RBFOX1: variants seen among roughly 807,000 people sequenced by gnomAD.
The protein encoded by RBFOX1 is RNA binding fox-1 homolog 1.
Under a neutral mutation model 57.7 loss-of-function variants are expected in RBFOX1, and 8 were observed. That is an observed-to-expected ratio of 0.14 (90% CI 0.08 to 0.25). The LOEUF is 0.25. Ranked by LOEUF, RBFOX1 falls within the 10% of genes least tolerant of loss-of-function variation. The pLI, the probability that RBFOX1 is intolerant of heterozygous loss-of-function variation, is 1.00. For missense variants in RBFOX1, 611 were observed against 548.5 expected (o/e 1.11, Z -1.14); for synonymous variants, 326 against 222.4 (o/e 1.47, Z -4.15).
At chr16:5,462,038 G>A (rs908934942) in intron 1 of RBFOX1, among the ~76,000 whole-genome samples, 2 of 152,114 alleles carry the variant, frequency 1.3e-5, no homozygotes, top group Non-Finnish European at 2.9e-5. Context: ...GTGTAGGAGG[G>A]TGCCAGCTCC....
intron 3 of RBFOX1, among the ~76,000 whole-genome samples, chr16:5,802,210 CA>C (rs1327686105): frequency 6.6e-6 from 1 of 152,166 alleles, no homozygotes; most frequent in Admixed American, 6.5e-5. Flanking sequence ...AGCTCCCCAT[CA>C]AAAGGAAGCC....
intron 2 of RBFOX1, among the ~76,000 whole-genome samples, chr16:5,597,383 A>G (rs2047217648): frequency 6.9e-6 from 1 of 144,324 alleles, no homozygotes; most frequent in African/African-American, 2.6e-5. Context: ...ACCCCAGGCC[A>G]AAGCTTGCTG....
chr16:5,828,052 C>A (rs12051250), intron 3 of RBFOX1, among the ~76,000 whole-genome samples: 1 of 150,876 alleles, frequency 6.6e-6, no homozygotes, highest in Non-Finnish European at 1.5e-5. Flanking sequence ...CATCCATCTA[C>A]CCACCCATCC....
rs998743878 is a variant in RBFOX1, at chr16:6,560,341, G to A, written c.-63-94262G>A. 6.3e-4 allele frequency among the ~76,000 whole-genome samples: 15 copies of A among 23,832 alleles called. No homozygotes were observed. In the South Asian group the frequency reaches 0.018, roughly 29 times the overall value. 15.6% of individuals were successfully genotyped at this position (23,832 alleles called of 152,430 possible). A position where few individuals can be genotyped will look rare whatever the true frequency, so the allele number is the denominator to read the frequency against. On this transcript the variant is annotated intron_variant, in intron 2 of 15. Coordinates refer to ENST00000550418, the MANE Select transcript of RBFOX1 (RefSeq NM_018723.4). ...AAAAGGATGAGGAGGGCAGGAGAGT[G>A]GGGGTGGAAGAATCCATTGCAATTT...
intron 1 of RBFOX1, among the ~76,000 whole-genome samples, chr16:6,191,843 C>G (rs946793064): frequency 2.0e-5 from 3 of 152,116 alleles, no homozygotes; most frequent in Admixed American, 1.3e-4. Flanking sequence ...GAATTTTGCA[C>G]TAGATTTCCT....
At chr16:7,436,243 A>T (rs139900160) in intron 4 of RBFOX1, among the ~76,000 whole-genome samples, 1 of 152,166 alleles carries the variant, frequency 6.6e-6, no homozygotes, top group Non-Finnish European at 1.5e-5. Flanking sequence ...CTATTTGACA[A>T]TGAATCGTGA....
intron 1 of RBFOX1, among the ~76,000 whole-genome samples, chr16:6,195,376 G>T (rs983292763): frequency 6.6e-6 from 1 of 152,010 alleles, no homozygotes; most frequent in Non-Finnish European, 1.5e-5. Flanking sequence ...GTATCTTTCC[G>T]TCTTCTGGAC....
intron 3 of RBFOX1, among the ~76,000 whole-genome samples, chr16:5,619,076 G>A (rs781032397): frequency 1.4e-4 from 22 of 152,198 alleles, no homozygotes; most frequent in Non-Finnish European, 2.2e-4. Flanking sequence ...CACAGTCACC[G>A]TAGTTTGTGC....
intron 5 of RBFOX1, among the ~76,000 whole-genome samples, chr16:7,522,448 T>C (rs1481726123): frequency 2.0e-5 from 3 of 152,324 alleles, no homozygotes; most frequent in Non-Finnish European, 4.4e-5. Context: ...AGTGACAGTT[T>C]GGATGTCTTT....
chr16:5,845,353 T>A (rs993296414), intron 3 of RBFOX1, among the ~76,000 whole-genome samples: 1 of 152,190 alleles, frequency 6.6e-6, no homozygotes, highest in Non-Finnish European at 1.5e-5. Context: ...CCAGCCTGTC[T>A]TGAGTTTCAG....
rs74565935 is a variant in RBFOX1, at chr16:6,608,087, A to G, written c.-63-46516A>G. Among the ~76,000 whole-genome samples the G allele has an allele frequency of 5.8e-3, 883 of 152,284 alleles. 8 individuals carry two copies. Among genetic ancestry groups the G allele is most frequent in the Non-Finnish European group, 8.4e-3 (571 of 68,024 alleles). On this transcript the variant is annotated intron_variant, in intron 2 of 15. Transcript: ENST00000550418. ...AATTTTGAGAGAAATTAATGAGACA[A>G]TGTCTCATAGCACCTGAAACAACGG...
At chr16:7,328,139 A>G (rs1417675564) in intron 4 of RBFOX1, among the ~76,000 whole-genome samples, 1 of 152,084 alleles carries the variant, frequency 6.6e-6, no homozygotes, top group African/African-American at 2.4e-5. Flanking sequence ...AGAGTGGCGG[A>G]GACTCAGGTG....
chr16:5,421,448 G>A (rs1045688804), intron 1 of RBFOX1, among the ~76,000 whole-genome samples: 2 of 152,166 alleles, frequency 1.3e-5, no homozygotes, highest in South Asian at 2.1e-4. Flanking sequence ...GGGTGTCCAC[G>A]TGCAAGTGTG....
Position 7,574,219 on chromosome 16 carries a change from G to T in RBFOX1, c.271-5558G>T, listed in dbSNP as rs114638206. On this transcript the variant is annotated intron_variant, in intron 5 of 15. Coordinates refer to ENST00000550418, the MANE Select transcript of RBFOX1 (RefSeq NM_018723.4). ...CGTCATTGCATCCAGGGCCATGATCGAAGGCCACTGGGGAGAGTGGGCTGG... is the reference window on the plus strand; with the variant it reads ...CGTCATTGCATCCAGGGCCATGATCTAAGGCCACTGGGGAGAGTGGGCTGG... Among the ~76,000 whole-genome samples the T allele has an allele frequency of 5.7e-3, 869 of 152,276 alleles. 7 individuals are homozygous for T. Among genetic ancestry groups the T allele is most frequent in the African/African-American group, 0.02 (834 of 41,546 alleles).
intron 1 of RBFOX1, among the ~76,000 whole-genome samples, chr16:6,147,080 C>T (rs11645551): frequency 0.31 from 46,832 of 152,058 alleles, 8,293 homozygotes; most frequent in Non-Finnish European, 0.41. Flanking sequence ...CAGGCCCCAG[C>T]TTCCACCCAC....
chr16:5,449,656 A>T (rs1040200089), intron 1 of RBFOX1, among the ~76,000 whole-genome samples: 6 of 152,120 alleles, frequency 3.9e-5, no homozygotes, highest in Admixed American at 6.6e-5. Context: ...GTTGCCCAGG[A>T]TGAGAACAGT....
chr16:7,071,371 G>A (rs1490230630), intron 4 of RBFOX1, among the ~76,000 whole-genome samples: 1 of 152,126 alleles, frequency 6.6e-6, no homozygotes, highest in Non-Finnish European at 1.5e-5. Flanking sequence ...GAAATTAGGT[G>A]TTAGAAAAGC....
chr16:7,662,527 C>T (rs1406418165), intron 12 of RBFOX1, among the ~76,000 whole-genome samples: 1 of 152,238 alleles, frequency 6.6e-6, no homozygotes, highest in African/African-American at 2.4e-5. Context: ...TGTCCATCTT[C>T]TAGGTAACAA....
At position 5,682,247 on chromosome 16, in the gene RBFOX1, A is replaced by G. The variant is rs8182191; in HGVS notation, c.318+83286A>G. On this transcript the variant is annotated intron_variant, in intron 3 of 19. Coordinates refer to the RBFOX1 transcript ENST00000641259. ...CATCATGCCTTGCAAATTTGCATCC[A>G]TTAAAAGCCTTCCCATTGTGGGAGC... Among the ~76,000 whole-genome samples, 1,979 of 152,340 alleles carry G rather than the reference A, an allele frequency of 0.013. 107 individuals carry two copies. The East Asian group carries it at 0.16, about 12-fold the overall frequency.
Sources: allele counts gnomAD v4.1 joint callset (sites outside exome capture counted in the v4.1 genomes callset), GRCh38; gene constraint gnomAD v4.1.1; transcripts MANE v1.5; gene names NCBI Gene and HGNC (gene_info 2026-07-23, HGNC 2026-07-21).